The following FLRT1 variants were observed in gnomAD, a reference collection of about 807,000 sequenced individuals.
FLRT1 encodes fibronectin leucine rich transmembrane protein 1, also known as leucine-rich repeat transmembrane protein FLRT1.
Under a neutral mutation model 30.9 loss-of-function variants are expected in FLRT1, and 14 were observed. The ratio of observed to expected loss-of-function variants is 0.45; its 90% CI spans 0.30 to 0.71. The LOEUF (loss-of-function observed/expected upper bound fraction) is 0.71, where lower values mean the gene tolerates loss of function less well. Among genes scored for constraint, FLRT1 ranks in the 30% least tolerant of loss-of-function variants. The probability of loss-of-function intolerance (pLI) is 0.08; values close to 1 mark genes in which losing one functional copy is unlikely to be tolerated. For synonymous variants in FLRT1, 368 were observed against 430.4 expected, an observed-to-expected ratio of 0.85 and a Z score of 1.80; for missense variants, 737 against 949.2, an observed-to-expected ratio of 0.78 and a Z score of 2.94.
At chr11:64,068,014 C>T (rs995549486) in intron 1 of FLRT1, among the ~76,000 whole-genome samples, 3 of 152,182 alleles carry the variant, frequency 2.0e-5, no homozygotes, top group Admixed American at 6.5e-5. Context: ...AACGGAAAAC[C>T]GCCGGTCTTG....
At chr11:64,107,548 A>G (rs1233776441) in intron 2 of FLRT1, among the ~76,000 whole-genome samples, 2 of 152,234 alleles carry the variant, frequency 1.3e-5, no homozygotes, top group African/African-American at 2.4e-5. Flanking sequence ...CCTGTCTGCA[A>G]TTACCGCCAG....
chr11:64,084,844 G>T (rs1184037132), intron 1 of FLRT1, among the ~76,000 whole-genome samples: 2 of 152,206 alleles, frequency 1.3e-5, no homozygotes, highest in East Asian at 3.9e-4. Flanking sequence ...CCCCGGCCCG[G>T]GAGGGGCGCA....
intron 2 of FLRT1, among the ~76,000 whole-genome samples, chr11:64,111,656 G>C (rs1283983720): frequency 1.3e-5 from 2 of 152,214 alleles, no homozygotes; most frequent in Non-Finnish European, 2.9e-5. Context: ...GCCTGTGAAG[G>C]GGGGTGGGTG....
At chr11:64,095,435 G>T (rs1305398777) in intron 1 of FLRT1, among the ~76,000 whole-genome samples, 1 of 152,194 alleles carries the variant, frequency 6.6e-6, no homozygotes, top group Non-Finnish European at 1.5e-5. Context: ...GGAGGGAAAG[G>T]GTGGGAGATT....
chr11:64,113,606 GAT>G (rs1472845507), intron 2 of FLRT1, among the ~76,000 whole-genome samples: 17 of 1,470 alleles, frequency 0.012, no homozygotes, highest in African/African-American at 0.035. Flanking sequence ...TGGTTAGGTG[GAT>G]GGATGGATGG....
At chr11:64,080,835 T>C (rs939455243) in intron 1 of FLRT1, among the ~76,000 whole-genome samples, 13 of 152,020 alleles carry the variant, frequency 8.6e-5, no homozygotes, top group Admixed American at 8.5e-4. Flanking sequence ...CTTGGGGTGA[T>C]GGGGAGGGAA....
Position 64,090,821 on chromosome 11 carries a change from A to C in FLRT1, c.-1037-12373A>C, listed in dbSNP as rs1431400513. 6.6e-6 allele frequency among the ~76,000 whole-genome samples: 1 copy of C among 152,008 alleles called. No individual in the cohort carries two copies. Among genetic ancestry groups the C allele is most frequent in the Non-Finnish European group, 1.5e-5 (1 of 67,998 alleles). On this transcript the variant is annotated intron_variant, in intron 1 of 2. Coordinates refer to ENST00000682287, the MANE Select transcript of FLRT1 (RefSeq NM_013280.5). The surrounding 1 kb of genome is among the most constrained non-coding windows in gnomAD (Gnocchi z 4.7). ...TTTGTCTCTGGGGCTCTGCAGAAGC[A>C]GAGCCCGAGTCGGGTCCAGCCCTGC...
intron 1 of FLRT1, among the ~76,000 whole-genome samples, chr11:64,102,186 T>G (rs751020799): frequency 1.3e-5 from 2 of 152,194 alleles, no homozygotes; most frequent in Non-Finnish European, 2.9e-5. Flanking sequence ...TAAAAGCCCT[T>G]TTCCAAAGAG....
At chr11:64,060,937 C>CGCGGCGGCG (rs544654619) in intron 1 of FLRT1, among the ~76,000 whole-genome samples, 6 of 151,322 alleles carry the variant, frequency 4.0e-5, no homozygotes, top group South Asian at 2.1e-4. Context: ...GCATGCGCAC[C>CGCGGCGGCG]GCGGCGGCGG....
chr11:64,059,918 G>T (rs773883294), intron 1 of FLRT1, among the ~76,000 whole-genome samples: 28 of 152,134 alleles, frequency 1.8e-4, no homozygotes, highest in Non-Finnish European at 3.1e-4. Flanking sequence ...TGGCAACCGC[G>T]ACCTCCTGAG....
At chr11:64,060,673 C>T (rs1435225385) in intron 1 of FLRT1, 1 of 142,212 alleles carries the variant, frequency 7.0e-6, no homozygotes, top group East Asian at 2.0e-4. Flanking sequence ...CTGCGCTTCT[C>T]TTTAGTTCAT....
Position 64,117,466 on chromosome 11 carries a change from C to A in FLRT1, c.1199C>A (p.Ala400Asp). The A allele has an allele frequency of 5.0e-6, 8 of 1,612,964 alleles. No individual in the cohort carries two copies. The highest frequency in any genetic ancestry group is 6.8e-6 in the Non-Finnish European group (8 of 1,179,196). ...GCCAAGACCACGGCCAGCAACCACGCCTCTGCCACCACGCCCCAGGGTTCC... is the reference window on the plus strand; with the variant it reads ...GCCAAGACCACGGCCAGCAACCACGACTCTGCCACCACGCCCCAGGGTTCC... The part of the protein sequence containing the change: ...AAAKTTASNH[A>D]SATTPQGSLF... The change falls in exon 3 of 3, where the codon GCC (alanine) becomes GAC (aspartate). Residue 400 changes from alanine to aspartate, a missense_variant. Ala to Asp is a moderately radical substitution (Grantham distance 126). Transcript: ENST00000682287.
At chr11:64,085,889 G>C (rs1375566320) in intron 1 of FLRT1, among the ~76,000 whole-genome samples, 1 of 152,192 alleles carries the variant, frequency 6.6e-6, no homozygotes, top group African/African-American at 2.4e-5. Flanking sequence ...TGAGGAAAGG[G>C]GGCCCTTCTC....
At chr11:64,052,670 A>G (rs1490914997) in intron 1 of FLRT1, among the ~76,000 whole-genome samples, 1 of 152,178 alleles carries the variant, frequency 6.6e-6, no homozygotes, top group Admixed American at 6.5e-5. Context: ...GGCATCCCTG[A>G]TAGTGTTTTG....
intron 1 of FLRT1, among the ~76,000 whole-genome samples, chr11:64,057,295 G>T (rs1943805175): frequency 6.6e-6 from 1 of 152,224 alleles, no homozygotes; most frequent in Non-Finnish European, 1.5e-5. Flanking sequence ...AGCAGGTGGG[G>T]TCCCTCTGCT....
chr11:64,111,473 T>C (rs1036165406), intron 2 of FLRT1, among the ~76,000 whole-genome samples: 1 of 152,208 alleles, frequency 6.6e-6, no homozygotes, highest in African/African-American at 2.4e-5. Flanking sequence ...AGGCAGGACC[T>C]CCGGCTCCAT....
At chr11:64,059,478 C>T (rs1229364624) in intron 1 of FLRT1, among the ~76,000 whole-genome samples, 2 of 152,192 alleles carry the variant, frequency 1.3e-5, no homozygotes, top group East Asian at 3.9e-4. Context: ...GAGAGGGCAT[C>T]CCATGCCCTT....
chr11:64,045,784 A>C (rs1255254771), intron 1 of FLRT1, among the ~76,000 whole-genome samples: 1 of 152,190 alleles, frequency 6.6e-6, no homozygotes, highest in Admixed American at 6.5e-5. Context: ...GGAATTCAGA[A>C]CTAACAATAA....
intron 1 of FLRT1, among the ~76,000 whole-genome samples, chr11:64,098,257 C>T (rs1944613016): frequency 6.6e-6 from 1 of 152,200 alleles, no homozygotes; most frequent in Admixed American, 6.5e-5. Context: ...TTCAGAGCGC[C>T]CCTAAGGCCA....
Sources: gnomAD v4.1 joint callset for allele counts (sites outside exome capture counted in the v4.1 genomes callset) on GRCh38, gnomAD v4.1.1 for gene constraint, Gnocchi (gnomAD v3.1) non-coding constraint, MANE v1.5 for transcripts, NCBI Gene and HGNC (gene_info 2026-07-23, HGNC 2026-07-21) for gene names.